The following CACNA1G variants were observed in gnomAD, a reference collection of about 807,000 sequenced individuals.
The protein encoded by CACNA1G is calcium voltage-gated channel subunit alpha1 G.
Under a neutral mutation model 219.4 loss-of-function variants are expected in CACNA1G, and 67 were observed. The ratio of observed to expected loss-of-function variants is 0.31; its 90% CI spans 0.25 to 0.37. The LOEUF is 0.37. CACNA1G is among the 10% of genes least tolerant of loss of function. CACNA1G has a pLI of 1.00. For missense variants in CACNA1G, 2,380 were observed against 3,231.4 expected, an observed-to-expected ratio of 0.74 and a Z score of 6.39; for synonymous variants, 1,296 against 1,345.3, an observed-to-expected ratio of 0.96 and a Z score of 0.80.
chr17:50,616,368 C>A lies in CACNA1G; in HGVS notation c.5005C>A (p.Arg1669=). The change falls in exon 28 of 38, where the codon CGG becomes AGG. Residue 1669 remains arginine, a synonymous_variant. Coordinates refer to ENST00000359106, the MANE Select transcript of CACNA1G (RefSeq NM_018896.5). ...CAAACTTGTGGCCTTTGGTTTCCGT[C>A]GGTTCTTCCAGGACAGGTAACGGAG... ...VFKLVAFGFR[R]FFQDRWNQLD... 6.2e-7 allele frequency: 1 copy of A among 1,610,582 alleles called. No individual in the cohort carries two copies. Among genetic ancestry groups the A allele is most frequent in the Non-Finnish European group, 8.5e-7 (1 of 1,176,908 alleles).
In CACNA1G at chr17:50,578,741, G is replaced by T; in HGVS notation, c.2301+177G>T. Reference sequence around the variant, plus strand: ...GCAATGCATGGGGATTCTCTAGAGGGAGTGCTTAAAGTCTCTGAGTATGGA... The same window carrying T: ...GCAATGCATGGGGATTCTCTAGAGGTAGTGCTTAAAGTCTCTGAGTATGGA... On this transcript the variant is annotated intron_variant, in intron 9 of 37. Coordinates refer to ENST00000359106, the MANE Select transcript of CACNA1G (RefSeq NM_018896.5). The surrounding 1 kb of genome is among the most constrained non-coding windows in gnomAD (Gnocchi z 4.5). 6.6e-6 allele frequency among the ~76,000 whole-genome samples: 1 copy of T among 152,222 alleles called. No homozygotes were observed. The highest frequency in any genetic ancestry group is 1.9e-4 in the East Asian group (1 of 5,194).
chr17:50,614,663 A>G (rs539543375), intron 26 of CACNA1G, among the ~76,000 whole-genome samples: 36 of 152,334 alleles, frequency 2.4e-4, no homozygotes, highest in African/African-American at 8.4e-4. Context: ...CCAAACACCC[A>G]GGAGCAGGCT....
Position 50,619,816 on chromosome 17 carries a change from C to G in CACNA1G, c.5915C>G (p.Ser1972Cys). 6.2e-7 allele frequency: 1 copy of G among 1,604,768 alleles called. No homozygotes were observed. Among genetic ancestry groups the G allele is most frequent in the Non-Finnish European group, 8.5e-7 (1 of 1,177,954 alleles). The change falls in exon 34 of 38, where the codon TCC becomes TGC. Residue 1972 changes from serine to cysteine, a missense_variant. Ser to Cys is a moderately radical substitution (Grantham distance 112). Transcript: ENST00000359106. ...AFPSAPSLGG[S>C]DPQIPLAEME... is the part of the protein sequence containing the mutation. ...CCTTCTGCCCCCAGCCTGGGAGGCT[C>G]CGACCCACAGGTTACTGTGCCCCTG...
In CACNA1G at chr17:50,575,695, C is replaced by T. The variant is rs765000164; in HGVS notation, c.1293C>T (p.Ser431=). The change falls in exon 8 of 38, where the codon AGC becomes AGT. Residue 431 remains serine (S), a synonymous_variant. Transcript: ENST00000359106. The part of the protein sequence containing the change: ...STLASFSEPG[S]CYEELLKYLV... Reference sequence around the variant, plus strand: ...TGGCTAGCTTCTCTGAGCCCGGCAGCTGCTATGAGGAGCTGCTCAAGTACC... The same window carrying T: ...TGGCTAGCTTCTCTGAGCCCGGCAGTTGCTATGAGGAGCTGCTCAAGTACC... The T allele has an allele frequency of 1.1e-5, 18 of 1,608,892 alleles. No homozygotes were observed. Among genetic ancestry groups the T allele is most frequent in the East Asian group, 4.5e-5 (2 of 44,672 alleles).
intron 18 of CACNA1G, 50 bp from the exon 19 acceptor site, chr17:50,601,001 G>C (rs575496563): frequency 1.2e-6 from 2 of 1,601,184 alleles, no homozygotes; most frequent in East Asian, 4.5e-5. Context: ...GCCTCTCGTT[G>C]CCACCTGCCC....
At chr17:50,589,139 G>A (rs552388049) in intron 9 of CACNA1G, among the ~76,000 whole-genome samples, 18 of 152,276 alleles carry the variant, frequency 1.2e-4, no homozygotes, top group African/African-American at 3.1e-4. Flanking sequence ...GTGGACAGTG[G>A]GGTCCATTGA....
At position 50,575,725 on chromosome 17, in the gene CACNA1G, G is replaced by A. The variant is rs1336167492; in HGVS notation, c.1323G>A (p.Val441=). 6 of 1,594,522 alleles carry A rather than the reference G, an allele frequency of 3.8e-6. No individual in the cohort carries two copies. The highest frequency in any genetic ancestry group is 2.3e-5 in the East Asian group (1 of 43,884). The change falls in exon 8 of 38, where the codon GTG becomes GTA. Residue 441 remains valine, a synonymous_variant. Coordinates refer to ENST00000359106, the MANE Select transcript of CACNA1G (RefSeq NM_018896.5). The part of the protein sequence containing the change: ...SCYEELLKYL[V]YILRKAARRL... Reference sequence around the variant, plus strand: ...ATGAGGAGCTGCTCAAGTACCTGGTGTACATCCTTCGTAAGGCAGCCCGCA... The same window carrying A: ...ATGAGGAGCTGCTCAAGTACCTGGTATACATCCTTCGTAAGGCAGCCCGCA...
chr17:50,574,178 C>T (rs534106825), intron 7 of CACNA1G, among the ~76,000 whole-genome samples: 12 of 150,480 alleles, frequency 8.0e-5, no homozygotes, highest in African/African-American at 2.2e-4. Context: ...AGAAAGTAAG[C>T]GGCTGGGGCT....
rs1317811724 is a variant in CACNA1G at position 50,596,692 on chromosome 17, T to C, written c.3065-38T>C. ...GCGACTTTTGGCCCTGGGCCAGCCC[T>C]GTGTGGACTCGGGATCTCTCCCTCT... On this transcript the variant is annotated intron_variant, in intron 15 of 37. Coordinates refer to ENST00000359106, the MANE Select transcript of CACNA1G (RefSeq NM_018896.5). The surrounding 1 kb of genome is among the most constrained non-coding windows in gnomAD (Gnocchi z 4.8). 6.2e-7 allele frequency: 1 copy of C among 1,613,506 alleles called. No homozygotes were observed.
At chr17:50,592,581 G>T (rs961621087) in intron 13 of CACNA1G, among the ~76,000 whole-genome samples, 1 of 152,192 alleles carries the variant, frequency 6.6e-6, no homozygotes, top group African/African-American at 2.4e-5. Flanking sequence ...AATTAGCTAC[G>T]GGCATGGCAG....
intron 9 of CACNA1G, among the ~76,000 whole-genome samples, chr17:50,587,373 T>C (rs2043203062): frequency 6.6e-6 from 1 of 152,164 alleles, no homozygotes; most frequent in Admixed American, 6.5e-5. Flanking sequence ...GTCTTCAGCC[T>C]AGTTGGCCTG....
At chr17:50,561,998 G>A in intron 1 of CACNA1G, 1 of 358,140 alleles carries the variant, frequency 2.8e-6, no homozygotes, top group Non-Finnish European at 5.0e-6. Flanking sequence ...CTGGCTCGCA[G>A]CTGGACGCCC....
intron 5 of CACNA1G, 23 bp downstream of exon 5, chr17:50,572,060 G>A: frequency 6.2e-7 from 1 of 1,605,762 alleles, no homozygotes. Context: ...CAGGGTCCAG[G>A]GAGGACCTGG....
intron 26 of CACNA1G, among the ~76,000 whole-genome samples, chr17:50,613,348 G>A (rs184218159): frequency 5.7e-4 from 87 of 152,298 alleles, no homozygotes; most frequent in African/African-American, 2.0e-3. Flanking sequence ...AGGGTGGAGG[G>A]GTGTTTGTAC....
chr17:50,588,805 A>C (rs990872054), intron 9 of CACNA1G, among the ~76,000 whole-genome samples: 4 of 152,142 alleles, frequency 2.6e-5, no homozygotes, highest in Non-Finnish European at 5.9e-5. Flanking sequence ...CTGAAAGTTT[A>C]TCTCTCTCTG....
rs1195800969 is a variant in CACNA1G, at chr17:50,596,726, G to A, written c.3065-4G>A. The A allele has an allele frequency of 1.2e-6, 2 of 1,613,348 alleles. No homozygotes were observed. The highest frequency in any genetic ancestry group is 1.7e-5 in the Admixed American group (1 of 59,966). On this transcript the variant is annotated splice_region_variant and splice_polypyrimidine_tract_variant and intron_variant, in intron 15 of 37. Coordinates refer to ENST00000359106, the MANE Select transcript of CACNA1G (RefSeq NM_018896.5). The surrounding 1 kb of genome is among the most constrained non-coding windows in gnomAD (Gnocchi z 4.8). ...TCGGGATCTCTCCCTCTCTCCCCGT[G>A]CAGTGGTGTCCCTGGGAGAGCACCC...
rs1416571569 is a variant in CACNA1G, at chr17:50,626,645, C to T, written c.7028C>T (p.Pro2343Leu). The T allele has an allele frequency of 1.9e-6, 3 of 1,613,178 alleles. No individual in the cohort carries two copies. The highest frequency in any genetic ancestry group is 2.5e-6 in the Non-Finnish European group (3 of 1,179,850). Residue 2343 changes from proline to leucine, a missense_variant, in exon 38 of 38, where the codon CCC (proline) becomes CTC (leucine). Pro to Leu is a moderately conservative substitution (Grantham distance 98, BLOSUM62 -3). This residue lies in a region of CACNA1G where 672 missense variants were observed against 670.5 expected (regional missense o/e 1.00). Coordinates refer to ENST00000359106, the MANE Select transcript of CACNA1G (RefSeq NM_018896.5). This position sits in a 1 kb window ranked among gnomAD's most constrained non-coding sequence, Gnocchi z 4.3. ...RRAPSSDSKD[P>L]LASGPPDSMA... ...GCTCCGTCCAGCGACTCCAAGGATCCCTTGGCCTCTGGCCCCCCTGACAGC... is the reference window on the plus strand; with the variant it reads ...GCTCCGTCCAGCGACTCCAAGGATCTCTTGGCCTCTGGCCCCCCTGACAGC...
chr17:50,562,145 G>A (rs1188105548), intron 1 of CACNA1G: 1 of 146,104 alleles, frequency 6.8e-6, no homozygotes, highest in Non-Finnish European at 1.5e-5. Flanking sequence ...GGGGGCGGTG[G>A]GGAGGAAGCT....
In CACNA1G at chr17:50,606,223, C is replaced by G. The variant is rs775927742; in HGVS notation, c.4422+200C>G. ...GCCCCAAAAAGTGGGCCCATGGGGTCTCTAGCCGTCCTTAAAGATGAAGAA... is the reference window on the plus strand; with the variant it reads ...GCCCCAAAAAGTGGGCCCATGGGGTGTCTAGCCGTCCTTAAAGATGAAGAA... On this transcript the variant is annotated intron_variant, in intron 23 of 37. Coordinates refer to ENST00000359106, the MANE Select transcript of CACNA1G (RefSeq NM_018896.5). The G allele has an allele frequency of 4.0e-5, 31 of 771,192 alleles. No homozygotes were observed. In the African/African-American group the frequency reaches 5.3e-4, roughly 13 times the overall value. 47.8% of individuals were successfully genotyped at this position (771,192 alleles called of 1,614,324 possible). A position where few individuals can be genotyped will look rare whatever the true frequency, so the allele number is the denominator to read the frequency against.
Sources: gnomAD v4.1 joint callset for allele counts (sites outside exome capture counted in the v4.1 genomes callset) on GRCh38, gnomAD v4.1.1 for gene constraint, gnomAD v4.1.1 regional missense constraint, Gnocchi (gnomAD v3.1) non-coding constraint, MANE v1.5 for transcripts, NCBI Gene and HGNC (gene_info 2026-07-23, HGNC 2026-07-21) for gene names.